Variants in SATL1 observed in about 807,000 individuals in gnomAD.
The protein encoded by SATL1 is spermidine/spermine N1-acetyl transferase like 1.
SATL1 carries 47 observed loss-of-function variants against 51.8 expected under a neutral mutation model. The ratio of observed to expected loss-of-function variants is 0.91; its 90% confidence interval spans 0.72 to 1.16. SATL1 has a LOEUF of 1.16. SATL1 is among the 50% of genes most tolerant of loss of function. The pLI is 0.00. For missense variants in SATL1, 520 were observed against 526.4 expected, an observed-to-expected ratio of 0.99 and a Z score of 0.12; for synonymous variants, 176 against 182.4, an observed-to-expected ratio of 0.97 and a Z score of 0.28.
At chrX:85,147,877 A>C (rs892878636) in intron 2 of SATL1, among the ~76,000 whole-genome samples, 1 of 111,594 alleles carries the variant, frequency 9.0e-6, no homozygotes, top group African/African-American at 3.3e-5. Context: ...ATGGGGAAAA[A>C]ACAGAGCAGA....
intron 2 of SATL1, among the ~76,000 whole-genome samples, chrX:85,132,063 T>C (rs1925821332): frequency 9.0e-6 from 1 of 111,245 alleles, no homozygotes; most frequent in Non-Finnish European, 1.9e-5. Flanking sequence ...CTGACTTTTC[T>C]CTCTGGCTGC....
chrX:85,216,198 G>A (rs1424566155), intron 2 of SATL1, among the ~76,000 whole-genome samples: 1 of 110,738 alleles, frequency 9.0e-6, no homozygotes, highest in Non-Finnish European at 1.9e-5. Context: ...GGAATTAATG[G>A]ACTGAGAACT....
intron 2 of SATL1, among the ~76,000 whole-genome samples, chrX:85,173,769 C>CTT (rs34178586): frequency 1.5e-4 from 16 of 106,634 alleles, no homozygotes; most frequent in Non-Finnish European, 2.7e-4. Context: ...CTCCAGAAGT[C>CTT]TTTTTTTTTA....
chrX:85,152,635 C>T (rs1442886205), intron 2 of SATL1, among the ~76,000 whole-genome samples: 2 of 111,363 alleles, frequency 1.8e-5, no homozygotes, highest in African/African-American at 6.5e-5. Flanking sequence ...TACTATGCAG[C>T]CATAAAAAAT....
chrX:85,131,570 A>T (rs1287788057), intron 2 of SATL1, among the ~76,000 whole-genome samples: 1 of 110,723 alleles, frequency 9.0e-6, no homozygotes, highest in Non-Finnish European at 1.9e-5. Context: ...TCTCCTGAAT[A>T]CAGCACACTG....
At chrX:85,152,211 A>C (rs942505671) in intron 2 of SATL1, among the ~76,000 whole-genome samples, 4 of 112,378 alleles carry the variant, frequency 3.6e-5, no homozygotes, top group Non-Finnish European at 5.6e-5. Flanking sequence ...AAGACACATA[A>C]AAAAATGCTC....
At chrX:85,214,652 A>C (rs960704507) in intron 2 of SATL1, among the ~76,000 whole-genome samples, 1 of 111,980 alleles carries the variant, frequency 8.9e-6, no homozygotes, top group Non-Finnish European at 1.9e-5. Flanking sequence ...CAATTTACTT[A>C]CAACTGTGAG....
At chrX:85,149,077 C>T (rs773488442) in intron 2 of SATL1, among the ~76,000 whole-genome samples, 25 of 111,446 alleles carry the variant, frequency 2.2e-4, no homozygotes, top group African/African-American at 4.9e-4. Context: ...ACCCATCTCA[C>T]GTGCAGAGAC....
intron 2 of SATL1, among the ~76,000 whole-genome samples, chrX:85,215,862 T>C (rs1457467003): frequency 1.8e-5 from 2 of 112,627 alleles, no homozygotes; most frequent in Admixed American, 1.9e-4. Flanking sequence ...CAAACTTTTC[T>C]AACTTCTGCC....
chrX:85,195,094 G>A (rs1046228473), intron 2 of SATL1, among the ~76,000 whole-genome samples: 29 of 111,032 alleles, frequency 2.6e-4, no homozygotes, highest in African/African-American at 8.8e-4. Context: ...TAAGGATGGA[G>A]AAATACAGTA....
intron 1 of SATL1, among the ~76,000 whole-genome samples, chrX:85,229,040 T>C (rs753859932): frequency 1.7e-4 from 19 of 111,758 alleles, no homozygotes; most frequent in African/African-American, 5.2e-4. Context: ...GCTGAAAACT[T>C]TGGAGTCATC....
chrX:85,128,783 T>C (rs1925696225), intron 2 of SATL1, among the ~76,000 whole-genome samples: 1 of 112,342 alleles, frequency 8.9e-6, no homozygotes, highest in Non-Finnish European at 1.9e-5. Context: ...GTTTTAGGTC[T>C]AACATTTAAG....
intron 2 of SATL1, among the ~76,000 whole-genome samples, chrX:85,167,253 G>C (rs1242380208): frequency 1.2e-5 from 1 of 80,387 alleles, no homozygotes; most frequent in Non-Finnish European, 2.7e-5. Context: ...CAGAGAGATG[G>C]GGGGGGGGTT....
chrX:85,234,401 A>G (rs1261048280), intron 1 of SATL1, among the ~76,000 whole-genome samples: 1 of 111,959 alleles, frequency 8.9e-6, no homozygotes, highest in Non-Finnish European at 1.9e-5. Flanking sequence ...AAAGCACAGA[A>G]TATCATAGCA....
chrX:85,223,952 G>A (rs1385791802), intron 2 of SATL1, among the ~76,000 whole-genome samples: 1 of 111,649 alleles, frequency 9.0e-6, no homozygotes, highest in Non-Finnish European at 1.9e-5. Context: ...GAGTTGAGGA[G>A]GAGATCAAAA....
intron 2 of SATL1, among the ~76,000 whole-genome samples, chrX:85,128,707 C>A (rs964366055): frequency 8.9e-6 from 1 of 111,900 alleles, no homozygotes; most frequent in South Asian, 3.7e-4. Context: ...GGGTTTTAGT[C>A]ATGAAGTCCT....
chrX:85,094,188 C>A lies in SATL1; in HGVS notation c.1816G>T (p.Asp606Tyr), dbSNP rs1160578842. 6.7e-6 allele frequency: 8 copies of A among 1,194,268 alleles called. No individual in the cohort carries two copies. The South Asian group carries it at 8.9e-5, about 13-fold the overall frequency. ...TAAAGTACCTTGCCAGTCCATGAGT[C>A]GTATGTAAAGTAGTACATGGCAAAT... ...VGFAMYYFTY[D>Y]SWTGKVLYLE... The change falls in exon 6 of 8, where the codon GAC (aspartate) becomes TAC (tyrosine). Residue 606 changes from aspartate (D) to tyrosine (Y), a missense_variant. Around this residue, in one of 3 missense-constraint regions of SATL1, gnomAD observed 488 missense variants for 474.3 expected, o/e 1.03. Coordinates refer to ENST00000644105, the MANE Select transcript of SATL1 (RefSeq NM_001367857.2).
intron 2 of SATL1, among the ~76,000 whole-genome samples, chrX:85,188,554 G>A (rs1005708420): frequency 9.0e-6 from 1 of 111,232 alleles, no homozygotes; most frequent in Non-Finnish European, 1.9e-5. Flanking sequence ...GCTGAGGTGA[G>A]AGGATCACTT....
chrX:85,189,375 A>G (rs1450645880), intron 2 of SATL1, among the ~76,000 whole-genome samples: 1 of 111,630 alleles, frequency 9.0e-6, no homozygotes, highest in Non-Finnish European at 1.9e-5. Context: ...CCCTGTTTGA[A>G]GCAGACAAAA....
Sources: gnomAD v4.1 joint callset for allele counts (sites outside exome capture counted in the v4.1 genomes callset) on GRCh38, gnomAD v4.1.1 for gene constraint, gnomAD v4.1.1 regional missense constraint, MANE v1.5 for transcripts, NCBI Gene and HGNC (gene_info 2026-07-23, HGNC 2026-07-21) for gene names.